Variants in SSX2IP observed in about 807,000 individuals in gnomAD.
The protein encoded by SSX2IP is SSX family member 2 interacting protein, also known as afadin- and alpha-actinin-binding protein.
A neutral mutation model predicts 84.9 loss-of-function variants in SSX2IP; 55 were observed. The ratio of observed to expected loss-of-function variants is 0.65; its 90% CI spans 0.52 to 0.81. The LOEUF is 0.81. Ranked by LOEUF, SSX2IP falls within the 30% of genes least tolerant of loss-of-function variation. The pLI is 0.00. For missense variants in SSX2IP, 664 were observed against 705.2 expected, an observed-to-expected ratio of 0.94 and a Z score of 0.66; for synonymous variants, 239 against 234.7, an observed-to-expected ratio of 1.02 and a Z score of -0.17.
chr1:84,655,889 C>A lies in SSX2IP; in HGVS notation c.1332G>T (p.Lys444Asn), dbSNP rs1651020450. 6.2e-7 allele frequency: 1 copy of A among 1,613,994 alleles called. No homozygotes were observed. The part of the protein sequence containing the change: ...EEWSLFKEQK[K>N]NFERERRSFT... Reference sequence around the variant, plus strand: ...AGCTTCGTCTCTCCCTCTCAAAATTCTTTTTCTGCTCTTTAAAAAGGGACC... The same window carrying A: ...AGCTTCGTCTCTCCCTCTCAAAATTATTTTTCTGCTCTTTAAAAAGGGACC... The change falls in exon 11 of 14, where the codon AAG (lysine) becomes AAT (asparagine). Residue 444 changes from lysine (K) to asparagine (N), a missense_variant. Coordinates refer to ENST00000342203, the MANE Select transcript of SSX2IP (RefSeq NM_001166293.2).
intron 2 of SSX2IP, 111 bp downstream of exon 2, chr1:84,671,066 T>C: frequency 1.6e-6 from 2 of 1,288,252 alleles, no homozygotes; most frequent in African/African-American, 1.5e-5. Flanking sequence ...TACAACGATT[T>C]GTCTCTCTTT....
At chr1:84,665,455 CTAAG>C (rs1449420193) in intron 5 of SSX2IP, among the ~76,000 whole-genome samples, 2 of 152,034 alleles carry the variant, frequency 1.3e-5, no homozygotes, top group Admixed American at 6.6e-5. Flanking sequence ...AACACTGAAA[CTAAG>C]TATTATATTT....
chr1:84,669,705 T>A lies in SSX2IP; in HGVS notation c.402A>T (p.Leu134=). ...NLKLGSDMDH[L]QSCYSKLKEQ... is the part of the protein sequence containing the mutation. ...CCTTAAGTTTTGAGTAGCAGCTCTG[T>A]AGATGGTCCATATCACTTCCCAGCT... Residue 134 remains leucine, a synonymous_variant, in exon 4 of 14, where the codon CTA becomes CTT. Coordinates refer to ENST00000342203, the MANE Select transcript of SSX2IP (RefSeq NM_001166293.2). The A allele has an allele frequency of 6.2e-7, 1 of 1,613,726 alleles. No individual in the cohort carries two copies. The highest frequency in any genetic ancestry group is 8.5e-7 in the Non-Finnish European group (1 of 1,179,724).
chr1:84,668,466 T>C (rs1275572529), intron 4 of SSX2IP, among the ~76,000 whole-genome samples: 2 of 152,166 alleles, frequency 1.3e-5, no homozygotes, highest in African/African-American at 4.8e-5. Context: ...GAATATAAGA[T>C]GCACAAAAGC....
At position 84,670,646 on chromosome 1, in the gene SSX2IP, C is replaced by A; in HGVS notation, c.213G>T (p.Gln71His). ...NIEQSISYLDQELTTFGFPSL... is the reference protein window; with the variant it reads ...NIEQSISYLDHELTTFGFPSL... ...ACTGTTTTTTACAAAAACATGTTAC[C>A]TGATCAAGATATGAGATACTCTGTT... Residue 71 changes from glutamine (Q) to histidine (H), a missense_variant and splice_region_variant, in exon 3 of 14, where the codon CAG becomes CAT. By Grantham distance (24) the Gln-to-His change is conservative. Coordinates refer to ENST00000342203, the MANE Select transcript of SSX2IP (RefSeq NM_001166293.2). The A allele has an allele frequency of 6.3e-7, 1 of 1,578,148 alleles. No homozygotes were observed. Among genetic ancestry groups the A allele is most frequent in the South Asian group, 1.2e-5 (1 of 83,848 alleles).
intron 8 of SSX2IP, among the ~76,000 whole-genome samples, chr1:84,660,692 G>C (rs1160444292): frequency 2.0e-5 from 3 of 151,906 alleles, no homozygotes; most frequent in Admixed American, 6.6e-5. Flanking sequence ...TTGAACCCGA[G>C]AGGCAGAGAT....
intron 12 of SSX2IP, 65 bp downstream of exon 12, chr1:84,651,818 T>C: frequency 3.1e-6 from 3 of 969,008 alleles, no homozygotes; most frequent in Middle Eastern, 2.6e-4. Flanking sequence ...TATGTAGTAT[T>C]TTGTAATATG....
chr1:84,664,284 C>T (rs1652461482), intron 6 of SSX2IP, 133 bp downstream of exon 6: 2 of 931,206 alleles, frequency 2.1e-6, no homozygotes, highest in East Asian at 3.0e-5. Context: ...TATAAACAAA[C>T]ACCACTGAAA....
At chr1:84,656,526 C>T (rs1419478784) in intron 9 of SSX2IP, 42 bp from the exon 10 acceptor site, 3 of 1,576,478 alleles carry the variant, frequency 1.9e-6, no homozygotes, top group African/African-American at 2.7e-5. Flanking sequence ...TTATAGCCAC[C>T]ACTTAGTTTA....
At chr1:84,674,140 C>T (rs1175185200) in intron 1 of SSX2IP, among the ~76,000 whole-genome samples, 1 of 152,142 alleles carries the variant, frequency 6.6e-6, no homozygotes, top group Non-Finnish European at 1.5e-5. Flanking sequence ...CTCTCTGAGC[C>T]ATACCTCTCT....
At chr1:84,687,475 G>GTTCA (rs1655956444) in intron 1 of SSX2IP, among the ~76,000 whole-genome samples, 1 of 152,162 alleles carries the variant, frequency 6.6e-6, no homozygotes, top group African/African-American at 2.4e-5. Context: ...CTGAACTGCA[G>GTTCA]GTTGCTTGAA....
intron 12 of SSX2IP, among the ~76,000 whole-genome samples, chr1:84,651,231 T>C (rs889328952): frequency 4.0e-5 from 6 of 151,376 alleles, no homozygotes; most frequent in East Asian, 2.0e-4. Flanking sequence ...GCAAGGAGGA[T>C]TGCCTGAGCC....
chr1:84,647,646 C>T, intron 13 of SSX2IP, 39 bp from the exon 14 acceptor site: 1 of 1,441,010 alleles, frequency 6.9e-7, no homozygotes. Flanking sequence ...TGACTATCCT[C>T]TCCTTCTTTT....
intron 1 of SSX2IP, among the ~76,000 whole-genome samples, chr1:84,679,564 CG>C (rs1654801667): frequency 1.3e-5 from 2 of 152,128 alleles, no homozygotes; most frequent in African/African-American, 4.8e-5. Flanking sequence ...CTCAGAGGCC[CG>C]GGTCAACAGA....
chr1:84,672,035 GCAAA>G lies in SSX2IP; in HGVS notation c.-89-731_-89-728del, dbSNP rs202019171. On this transcript the variant is annotated intron_variant, in intron 1 of 13. Coordinates refer to ENST00000342203, the MANE Select transcript of SSX2IP (RefSeq NM_001166293.2). Reference sequence around the variant, plus strand: ...AACGTAACTGTGTGGAATTAGGATGGCAAACAAACAGCCAAAACTACAAATGAAT... The same window carrying G: ...AACGTAACTGTGTGGAATTAGGATGGCAAACAGCCAAAACTACAAATGAAT... Among the ~76,000 whole-genome samples, 688 of 152,258 alleles carry G rather than the reference GCAAA, an allele frequency of 4.5e-3. 25 individuals carry two copies. The East Asian group carries it at 0.076, about 17-fold the overall frequency.
chr1:84,676,009 CAT>C (rs1343147318), intron 1 of SSX2IP, among the ~76,000 whole-genome samples: 1 of 152,214 alleles, frequency 6.6e-6, no homozygotes, highest in East Asian at 1.9e-4. Flanking sequence ...ACCTTGGACA[CAT>C]GTCGTCAGGT....
intron 13 of SSX2IP, among the ~76,000 whole-genome samples, chr1:84,648,346 A>G (rs1442527736): frequency 2.0e-5 from 3 of 152,226 alleles, no homozygotes; most frequent in Admixed American, 6.5e-5. Context: ...TTTAAGCTCC[A>G]AAATTGTTTC....
chr1:84,652,840 A>G lies in SSX2IP; in HGVS notation c.1390-843T>C, dbSNP rs551901240. On this transcript the variant is annotated intron_variant, in intron 11 of 13. Coordinates refer to ENST00000342203, the MANE Select transcript of SSX2IP (RefSeq NM_001166293.2). ...GGAGATCGAGACCATCCTGGCTAAC[A>G]TGGTGAAACCCCGTCTCTACTAAAA... 3.4e-4 allele frequency among the ~76,000 whole-genome samples: 52 copies of G among 151,916 alleles called. 1 individual carries two copies. The highest frequency in any genetic ancestry group is 3.4e-3 in the Middle Eastern group (1 of 292).
intron 4 of SSX2IP, 131 bp downstream of exon 4, chr1:84,669,550 C>T (rs528032701): frequency 2.8e-6 from 2 of 708,826 alleles, no homozygotes; most frequent in African/African-American, 3.6e-5. Flanking sequence ...TATAAGTTCA[C>T]TTTTACTTAC....
Sources: gnomAD v4.1 joint callset for allele counts (sites outside exome capture counted in the v4.1 genomes callset) on GRCh38, gnomAD v4.1.1 for gene constraint, MANE v1.5 for transcripts, NCBI Gene and HGNC (gene_info 2026-07-23, HGNC 2026-07-21) for gene names.